Variants in SATL1 observed in about 807,000 individuals in gnomAD.
SATL1 encodes the protein spermidine/spermine N(1)-acetyltransferase-like protein 1.
A neutral mutation model predicts 51.8 loss-of-function variants in SATL1; 47 were observed. The observed-to-expected ratio is 0.91, with a 90% CI of 0.72 to 1.16. The LOEUF is 1.16. Among genes scored for constraint, SATL1 ranks in the 50% most tolerant of loss-of-function variants. SATL1 has a pLI of 0.00. For missense variants in SATL1, 520 were observed against 526.4 expected, an observed-to-expected ratio of 0.99 and a Z score of 0.12; for synonymous variants, 176 against 182.4, an observed-to-expected ratio of 0.97 and a Z score of 0.28.
chrX:85,176,342 A>G (rs1027998050), intron 2 of SATL1, among the ~76,000 whole-genome samples: 1 of 111,929 alleles, frequency 8.9e-6, no homozygotes, highest in African/African-American at 3.2e-5. Context: ...TGACTCAGCT[A>G]TATCACTTCT....
intron 1 of SATL1, among the ~76,000 whole-genome samples, chrX:85,225,455 T>G (rs1928260165): frequency 8.9e-6 from 1 of 112,204 alleles, no homozygotes; most frequent in Non-Finnish European, 1.9e-5. Context: ...TCAACAAAAA[T>G]TAAATGTCAA....
chrX:85,170,762 T>C (rs1313488287), intron 2 of SATL1, among the ~76,000 whole-genome samples: 1 of 111,699 alleles, frequency 9.0e-6, no homozygotes, highest in Non-Finnish European at 1.9e-5. Flanking sequence ...TAGTCTTTAA[T>C]GAAGAAACAA....
Position 85,181,806 on chromosome X carries a change from A to G in SATL1, c.-313+42399T>C, listed in dbSNP as rs190457480. Among the ~76,000 whole-genome samples, 4 of 111,781 alleles carry G rather than the reference A, an allele frequency of 3.6e-5. No individual in the cohort carries two copies. In the East Asian group the frequency reaches 1.1e-3, roughly 31 times the overall value. Reference sequence around the variant, plus strand: ...AACTACTTAAAGGTAAAGTGCTTCAAATATCAAAATTGTAATACAAACTAG... The same window carrying G: ...AACTACTTAAAGGTAAAGTGCTTCAGATATCAAAATTGTAATACAAACTAG... On this transcript the variant is annotated intron_variant, in intron 2 of 7. Transcript: ENST00000644105.
chrX:85,179,115 C>G (rs1432047495), intron 2 of SATL1, among the ~76,000 whole-genome samples: 1 of 111,823 alleles, frequency 8.9e-6, no homozygotes, highest in Non-Finnish European at 1.9e-5. Flanking sequence ...AACTAAGGAA[C>G]AGATTTTTAG....
rs7063822 is a variant in SATL1 at position 85,108,601 on chromosome X, C to T, written c.368G>A (p.Arg123His). 1,413 of 1,202,176 alleles carry T rather than the reference C, an allele frequency of 1.2e-3. 11 individuals are homozygous for T. In the African/African-American group the frequency reaches 0.022, roughly 19 times the overall value. The change falls in exon 3 of 8, where the codon CGC becomes CAC. Residue 123 changes from arginine to histidine, a missense_variant. This residue lies in a region of SATL1 where 488 missense variants were observed against 474.3 expected (regional missense o/e 1.03). Transcript: ENST00000644105. The stretch of plus-strand genomic sequence containing the variant: ...TTGGTTCGTGCCTATTTGCCTCATG[C>T]GTGATTGGCTGGGGCCTGATTGGCT... ...GPSQSGPSQS[R>H]MRQIGTNQSG...
At chrX:85,097,249 C>T (rs954134788) in intron 4 of SATL1, among the ~76,000 whole-genome samples, 1 of 111,885 alleles carries the variant, frequency 8.9e-6, no homozygotes, top group Non-Finnish European at 1.9e-5. Context: ...TGCAGTGGGT[C>T]CTGGAACCAA....
chrX:85,195,043 A>G (rs1231456227), intron 2 of SATL1, among the ~76,000 whole-genome samples: 1 of 110,324 alleles, frequency 9.1e-6, no homozygotes, highest in African/African-American at 3.3e-5. Flanking sequence ...TATACATAAA[A>G]AGACAACAGT....
intron 2 of SATL1, among the ~76,000 whole-genome samples, chrX:85,148,305 T>C (rs1180378041): frequency 1.8e-5 from 2 of 110,359 alleles, no homozygotes; most frequent in Non-Finnish European, 3.8e-5. Flanking sequence ...CCAGGAAATA[T>C]GGGACTATGT....
chrX:85,168,496 G>T (rs1214223259), intron 2 of SATL1, among the ~76,000 whole-genome samples: 1 of 111,248 alleles, frequency 9.0e-6, no homozygotes, highest in Non-Finnish European at 1.9e-5. Context: ...GTCAAGCTGA[G>T]AGCCAAATCA....
At chrX:85,195,477 C>T (rs17325012) in intron 2 of SATL1, among the ~76,000 whole-genome samples, 14,487 of 111,020 alleles carry the variant, frequency 0.13, 730 homozygotes, top group South Asian at 0.18. Flanking sequence ...AAGAAGGACA[C>T]ATTTTGGATT....
intron 2 of SATL1, among the ~76,000 whole-genome samples, chrX:85,197,845 G>A (rs1301188989): frequency 9.1e-6 from 1 of 110,072 alleles, no homozygotes; most frequent in Non-Finnish European, 1.9e-5. Context: ...TTTTATGGCT[G>A]CATAGTATTC....
At chrX:85,162,923 C>T (rs762222543) in intron 2 of SATL1, among the ~76,000 whole-genome samples, 3 of 110,858 alleles carry the variant, frequency 2.7e-5, no homozygotes, top group Admixed American at 9.6e-5. Context: ...CTTTTTGATA[C>T]GCTGTTGGAT....
intron 2 of SATL1, among the ~76,000 whole-genome samples, chrX:85,158,369 T>C (rs1926641894): frequency 8.9e-6 from 1 of 111,929 alleles, no homozygotes; most frequent in South Asian, 3.7e-4. Context: ...GTTGTTACAA[T>C]TGTGGCATGA....
rs755495182 is a variant in SATL1, at chrX:85,155,772, G to A, written c.-312-46492C>T. ...TCAATTCCCTGCCCCATAAATCACT[G>A]ACTATGTGGCCTAGGGGCACTTTCT... On this transcript the variant is annotated intron_variant, in intron 2 of 7. Coordinates refer to ENST00000644105, the MANE Select transcript of SATL1 (RefSeq NM_001367857.2). Among the ~76,000 whole-genome samples the A allele has an allele frequency of 1.5e-3, 163 of 111,437 alleles. 1 individual carries two copies. The highest frequency in any genetic ancestry group is 4.6e-3 in the Middle Eastern group (1 of 218).
intron 2 of SATL1, among the ~76,000 whole-genome samples, chrX:85,203,820 G>T (rs1927736774): frequency 8.9e-6 from 1 of 112,720 alleles, no homozygotes; most frequent in African/African-American, 3.2e-5. Context: ...GCCACTGGTA[G>T]CTGGCTGGAA....
Position 85,135,574 on chromosome X carries a change from T to TTG in SATL1, c.-312-26296_-312-26295dup, listed in dbSNP as rs754342501. Among the ~76,000 whole-genome samples, 597 of 105,471 alleles carry TTG rather than the reference T, an allele frequency of 5.7e-3. 5 individuals are homozygous for TTG. Among genetic ancestry groups the TTG allele is most frequent in the Middle Eastern group, 9.6e-3 (2 of 208 alleles). 91.6% of individuals were successfully genotyped at this position (105,471 alleles called of 115,157 possible). A position where few individuals can be genotyped will look rare whatever the true frequency, so the allele number is the denominator to read the frequency against. ...TAAAAAAAAAAGAGTGAGATAAATC[T>TTG]TGTGTGTGTGTGTGTGAGACAGGGC... is the stretch of plus-strand genomic sequence containing the variant. On this transcript the variant is annotated intron_variant, in intron 2 of 7. Coordinates refer to ENST00000644105, the MANE Select transcript of SATL1 (RefSeq NM_001367857.2).
At chrX:85,148,032 C>T (rs1156472420) in intron 2 of SATL1, among the ~76,000 whole-genome samples, 2 of 111,474 alleles carry the variant, frequency 1.8e-5, no homozygotes, top group African/African-American at 6.5e-5. Context: ...CTCCAAGCTA[C>T]AGGAGGAAAT....
At chrX:85,181,639 C>G (rs1174543993) in intron 2 of SATL1, among the ~76,000 whole-genome samples, 1 of 110,844 alleles carries the variant, frequency 9.0e-6, no homozygotes, top group Non-Finnish European at 1.9e-5. Flanking sequence ...TTTCAAAGGT[C>G]CTTATCTCTC....
At chrX:85,121,400 A>T (rs1442111994) in intron 2 of SATL1, among the ~76,000 whole-genome samples, 1 of 104,149 alleles carries the variant, frequency 9.6e-6, no homozygotes, top group Non-Finnish European at 1.9e-5. Context: ...ATATATAAAT[A>T]TATATATTTC....
Sources: gnomAD v4.1 joint callset for allele counts (sites outside exome capture counted in the v4.1 genomes callset) on GRCh38, gnomAD v4.1.1 for gene constraint, gnomAD v4.1.1 regional missense constraint, MANE v1.5 for transcripts, NCBI Gene and HGNC (gene_info 2026-07-23, HGNC 2026-07-21) for gene names.